The following FGF14 variants were observed in gnomAD, a reference collection of about 807,000 sequenced individuals.
FGF14 encodes fibroblast growth factor 14.
In FGF14, 5 loss-of-function variants were observed where a neutral mutation model predicts 25.5. The observed-to-expected ratio is 0.20, with a 90% CI of 0.10 to 0.41. The LOEUF (loss-of-function observed/expected upper bound fraction) is 0.41. FGF14 is among the 10% of genes least tolerant of loss of function. The pLI is 1.00. For synonymous variants in FGF14, 138 were observed against 118.3 expected (o/e 1.17, Z -1.08); for missense variants, 222 against 320.1 (o/e 0.69, Z 2.34).
At chr13:102,162,814 GT>G in intron 1 of FGF14, among the ~76,000 whole-genome samples, 1 of 152,230 alleles carries the variant, frequency 6.6e-6, no homozygotes, top group East Asian at 1.9e-4. Flanking sequence ...GAGCTGCCAG[GT>G]TTTTTCTATT....
At chr13:102,250,307 C>T (rs1231774348) in intron 1 of FGF14, among the ~76,000 whole-genome samples, 1 of 152,186 alleles carries the variant, frequency 6.6e-6, no homozygotes, top group Non-Finnish European at 1.5e-5. Context: ...TGTGAACCTC[C>T]TCTGACCTGG....
At chr13:102,388,857 TCAC>T (rs917832344) in intron 1 of FGF14, among the ~76,000 whole-genome samples, 40 of 152,210 alleles carry the variant, frequency 2.6e-4, no homozygotes, top group African/African-American at 8.4e-4. Context: ...TCACTAATTT[TCAC>T]CACATCCCAG....
intron 1 of FGF14, among the ~76,000 whole-genome samples, chr13:102,235,410 A>G (rs928732989): frequency 6.6e-6 from 1 of 152,152 alleles, no homozygotes; most frequent in South Asian, 2.1e-4. Context: ...TTTGCTGCTC[A>G]AAGTTTGGTC....
In FGF14 at chr13:101,720,068, T is replaced by C. The variant is rs955757158; in HGVS notation, c.*2763A>G. 2.0e-5 allele frequency: 3 copies of C among 152,176 alleles called. No homozygotes were observed. Among genetic ancestry groups the C allele is most frequent in the African/African-American group, 7.2e-5 (3 of 41,456 alleles). 9.4% of individuals were successfully genotyped at this position (152,176 alleles called of 1,614,324 possible). ...GTTTTTTAATATGCCTTCATATAAATATTTTATTCAATATGTTGTATTTGT... is the reference window on the plus strand; with the variant it reads ...GTTTTTTAATATGCCTTCATATAAACATTTTATTCAATATGTTGTATTTGT... On this transcript the variant is annotated 3_prime_UTR_variant, in exon 5 of 5. Transcript: ENST00000376143.
At chr13:101,931,971 T>C (rs1413104892) in intron 1 of FGF14, among the ~76,000 whole-genome samples, 1 of 152,186 alleles carries the variant, frequency 6.6e-6, no homozygotes, top group Non-Finnish European at 1.5e-5. Flanking sequence ...TGTGTCTTGG[T>C]TATAAGAACT....
At chr13:101,955,407 C>T (rs1272533327) in intron 1 of FGF14, among the ~76,000 whole-genome samples, 1 of 152,214 alleles carries the variant, frequency 6.6e-6, no homozygotes, top group African/African-American at 2.4e-5. Flanking sequence ...CATGGAAAAG[C>T]TGGTTTCTTG....
chr13:102,132,410 T>TA (rs2046236916), intron 1 of FGF14, among the ~76,000 whole-genome samples: 6 of 152,176 alleles, frequency 3.9e-5, no homozygotes, highest in Admixed American at 3.9e-4. Context: ...CTAAAGCAGC[T>TA]AATGACAGAC....
chr13:101,926,543 A>G (rs1263455748), intron 1 of FGF14, among the ~76,000 whole-genome samples: 2 of 152,260 alleles, frequency 1.3e-5, no homozygotes, highest in African/African-American at 4.8e-5. Flanking sequence ...AGACAGGACC[A>G]TTAGGCTCCC....
chr13:101,737,337 T>C (rs1005126580), intron 3 of FGF14, among the ~76,000 whole-genome samples: 4 of 152,108 alleles, frequency 2.6e-5, no homozygotes, highest in Admixed American at 2.0e-4. Context: ...ATGGAAAATA[T>C]TTAGTTCTTT....
intron 1 of FGF14, among the ~76,000 whole-genome samples, chr13:102,288,610 C>T (rs949726964): frequency 3.3e-5 from 5 of 151,218 alleles, no homozygotes; most frequent in Admixed American, 1.3e-4. Flanking sequence ...TTTGAGATGG[C>T]GTCTCACTCT....
chr13:102,061,208 G>A (rs1283985941), intron 1 of FGF14, among the ~76,000 whole-genome samples: 3 of 152,244 alleles, frequency 2.0e-5, no homozygotes, highest in Non-Finnish European at 4.4e-5. Flanking sequence ...GATACAGAAA[G>A]CCCTCTGTCC....
chr13:101,958,033 A>T (rs1470523996), intron 1 of FGF14, among the ~76,000 whole-genome samples: 1 of 152,252 alleles, frequency 6.6e-6, no homozygotes, highest in African/African-American at 2.4e-5. Context: ...ACTATAAATT[A>T]CAGTAAATAA....
At chr13:102,112,136 C>T (rs2045261091) in intron 1 of FGF14, among the ~76,000 whole-genome samples, 1 of 152,166 alleles carries the variant, frequency 6.6e-6, no homozygotes, top group Non-Finnish European at 1.5e-5. Flanking sequence ...TATTATCTCA[C>T]TTAATCTCTC....
intron 1 of FGF14, among the ~76,000 whole-genome samples, chr13:102,046,515 C>T (rs2140027967): frequency 6.6e-6 from 1 of 152,212 alleles, no homozygotes; most frequent in East Asian, 1.9e-4. Flanking sequence ...AGTATAGCTA[C>T]CCAGGGTTAA....
intron 1 of FGF14, among the ~76,000 whole-genome samples, chr13:101,972,724 G>T (rs1211372547): frequency 6.6e-6 from 1 of 152,064 alleles, no homozygotes; most frequent in African/African-American, 2.4e-5. Context: ...GCCCAGGCAG[G>T]TCTCGAACTC....
At chr13:102,381,652 T>C (rs2058186005) in intron 1 of FGF14, among the ~76,000 whole-genome samples, 1 of 152,210 alleles carries the variant, frequency 6.6e-6, no homozygotes, top group Non-Finnish European at 1.5e-5. Context: ...TATTAATTTC[T>C]TGAAAGTGCT....
chr13:101,864,534 G>C (rs140892184), intron 3 of FGF14, among the ~76,000 whole-genome samples: 112 of 152,226 alleles, frequency 7.4e-4, no homozygotes, highest in African/African-American at 2.6e-3. Flanking sequence ...AAAATATCTA[G>C]ATGGTGATCC....
rs1203165825 is a variant in FGF14, at chr13:102,310,706, GGGGT to G, written c.208+90761_208+90764del. Among the ~76,000 whole-genome samples, 373 of 51,198 alleles carry G rather than the reference GGGGT, an allele frequency of 7.3e-3. 58 individuals are homozygous for G. Among genetic ancestry groups the G allele is most frequent in the Non-Finnish European group, 0.01 (264 of 25,364 alleles). 33.6% of individuals were successfully genotyped at this position (51,198 alleles called of 152,430 possible). A position where few individuals can be genotyped will look rare whatever the true frequency, so the allele number is the denominator to read the frequency against. Reference sequence around the variant, plus strand: ...CTCTCTGTGTGTGTGTGGGGGGGGGGGGGTGGGGGTTGTTTAACTGCTAGAAAAC... The same window carrying G: ...CTCTCTGTGTGTGTGTGGGGGGGGGGGGGGGTTGTTTAACTGCTAGAAAAC... On this transcript the variant is annotated intron_variant, in intron 1 of 4. Coordinates refer to the FGF14 transcript ENST00000376131.
intron 1 of FGF14, among the ~76,000 whole-genome samples, chr13:101,925,037 G>A (rs2034271210): frequency 6.6e-6 from 1 of 152,112 alleles, no homozygotes; most frequent in South Asian, 2.1e-4. Flanking sequence ...CTGTTAAAAA[G>A]CTCTGTGAGC....
Sources: gnomAD v4.1 joint callset for allele counts (sites outside exome capture counted in the v4.1 genomes callset) on GRCh38, gnomAD v4.1.1 for gene constraint, MANE v1.5 for transcripts, NCBI Gene and HGNC (gene_info 2026-07-23, HGNC 2026-07-21) for gene names.